BRME1: variants seen among roughly 807,000 people sequenced by gnomAD.
The protein encoded by BRME1 is break repair meiotic recombinase recruitment factor 1.
A neutral mutation model predicts 52.6 loss-of-function variants in BRME1; 31 were observed. The observed-to-expected ratio is 0.59, with a 90% confidence interval of 0.44 to 0.80. The LOEUF (loss-of-function observed/expected upper bound fraction) is 0.80. Ranked by LOEUF, BRME1 falls within the 30% of genes least tolerant of loss-of-function variation. The probability of loss-of-function intolerance (pLI) is 0.00; values close to 1 mark genes in which losing one functional copy is unlikely to be tolerated. For synonymous variants in BRME1, 359 were observed against 353.6 expected (o/e 1.02, Z -0.17); for missense variants, 804 against 860.3 (o/e 0.93, Z 0.82).
rs191405442 is a variant in BRME1, at chr19:13,894,299, C to T, written c.206+1073G>A. Among the ~76,000 whole-genome samples, 597 of 152,174 alleles carry T rather than the reference C, an allele frequency of 3.9e-3. 3 individuals are homozygous for T. The highest frequency in any genetic ancestry group is 0.014 in the African/African-American group (570 of 41,534). On this transcript the variant is annotated intron_variant, in intron 3 of 8. Transcript: ENST00000586783. ...CAGCACTTTGGGAGGCCGAGGCGGG[C>T]GGATCACCTTAAGTCAGGAGTTCGA... is the stretch of plus-strand genomic sequence containing the variant.
intron 2 of BRME1, among the ~76,000 whole-genome samples, chr19:13,900,534 T>C (rs1970224904): frequency 6.6e-6 from 1 of 152,154 alleles, no homozygotes; most frequent in South Asian, 2.1e-4. Flanking sequence ...TCCCATATCT[T>C]GGGGGAAAAA....
rs1968821139 is a variant in BRME1 at position 13,883,974 on chromosome 19, T to A, written c.1764-574A>T. Among the ~76,000 whole-genome samples, 1 of 152,118 alleles carries A rather than the reference T, an allele frequency of 6.6e-6. No homozygotes were observed. On this transcript the variant is annotated intron_variant, in intron 7 of 8. Coordinates refer to ENST00000586783, the MANE Select transcript of BRME1 (RefSeq NM_001345843.2). The surrounding 1 kb of genome is among the most constrained non-coding windows in gnomAD (Gnocchi z 4.2). Reference sequence around the variant, plus strand: ...TGACTATCTAATCTGCTGTCTCTCATGTCCCCACACCCCGAATCCCCCAGT... The same window carrying A: ...TGACTATCTAATCTGCTGTCTCTCAAGTCCCCACACCCCGAATCCCCCAGT...
At chr19:13,896,891 G>T (rs1322361145) in intron 2 of BRME1, among the ~76,000 whole-genome samples, 2 of 151,824 alleles carry the variant, frequency 1.3e-5, no homozygotes, top group Non-Finnish European at 2.9e-5. Flanking sequence ...TTGAGACAGG[G>T]TCTCATATGT....
At position 13,889,484 on chromosome 19, in the gene BRME1, C is replaced by T. The variant is rs1389918062; in HGVS notation, c.1372G>A (p.Glu458Lys). ...AGGTTCTGGCCACCTAACTCGGCTT[C>T]CTCTTGAGCAGGACCTGGCTCCTGC... is the stretch of plus-strand genomic sequence containing the variant. Reference protein sequence around the residue: ...QKQEPGPAQEEAELGGQNLER... With the variant: ...QKQEPGPAQEKAELGGQNLER... Residue 458 changes from glutamate to lysine, a missense_variant, in exon 6 of 9, where the codon GAA becomes AAA. This residue lies in a region of BRME1 where 552 missense variants were observed against 561.1 expected (regional missense o/e 0.98). Transcript: ENST00000586783. 3 of 1,613,898 alleles carry T rather than the reference C, an allele frequency of 1.9e-6. No individual in the cohort carries two copies. The highest frequency in any genetic ancestry group is 1.7e-6 in the Non-Finnish European group (2 of 1,180,028).
intron 2 of BRME1, among the ~76,000 whole-genome samples, chr19:13,899,905 G>A (rs1970182838): frequency 6.6e-6 from 1 of 152,154 alleles, no homozygotes; most frequent in South Asian, 2.1e-4. Context: ...AGGAGGCTGA[G>A]GCAGGAGAAT....
chr19:13,896,296 T>A (rs564674617), intron 2 of BRME1, among the ~76,000 whole-genome samples: 1 of 148,246 alleles, frequency 6.7e-6, no homozygotes, highest in Non-Finnish European at 1.5e-5. Flanking sequence ...ATATTATATA[T>A]CATATATAAA....
Position 13,882,866 on chromosome 19 carries a change from AG to A in BRME1, c.1942del (p.Leu648CysfsTer25), listed in dbSNP as rs1270763461. The A allele has an allele frequency of 8.7e-6, 14 of 1,613,850 alleles. No homozygotes were observed. The highest frequency in any genetic ancestry group is 1.1e-5 in the Non-Finnish European group (13 of 1,179,922). ...RKTKLGGKAP[L>X]PYPSKGPGNI... ...CCCAGGCCCCTTGGAAGGGTAAGGC[AG>A]GGGGGCTTTGCCTCCCAGCTTTGTC... On this transcript the variant is annotated frameshift_variant, in exon 9 of 9. Transcript: ENST00000586783. LOFTEE classifies it low-confidence loss of function (END_TRUNC).
intron 2 of BRME1, among the ~76,000 whole-genome samples, chr19:13,896,194 T>C (rs376817982): frequency 2.1e-4 from 32 of 151,922 alleles, no homozygotes; most frequent in African/African-American, 7.2e-4. Flanking sequence ...CGCTTGAACC[T>C]GGTAGGCGGA....
In BRME1 at chr19:13,883,319, G is replaced by A; in HGVS notation, c.1845C>T (p.Leu615=). 1 of 1,533,956 alleles carries A rather than the reference G, an allele frequency of 6.5e-7. No individual in the cohort carries two copies. Among genetic ancestry groups the A allele is most frequent in the Non-Finnish European group, 8.7e-7 (1 of 1,145,200 alleles). ...TNVVRGLIVE[L]SNLNRLIMGT... ...AGCCCACCCCGTACTTCAGGTTGGA[G>A]AGCTCAACGATGAGGCCACGCACGA... Residue 615 remains leucine (L), a synonymous_variant, in exon 8 of 9, where the codon CTC becomes CTT. Transcript: ENST00000586783. This position sits in a 1 kb window ranked among gnomAD's most constrained non-coding sequence, Gnocchi z 4.2.
chr19:13,898,304 C>A (rs1970046728), intron 2 of BRME1, among the ~76,000 whole-genome samples: 1 of 151,946 alleles, frequency 6.6e-6, no homozygotes, highest in Admixed American at 6.6e-5. Flanking sequence ...AGATTTCTGC[C>A]AAGGCAGGCA....
chr19:13,892,887 A>C lies in BRME1; in HGVS notation c.292T>G (p.Ser98Ala). The change falls in exon 5 of 9, where the codon TCA becomes GCA. Residue 98 changes from serine to alanine, a missense_variant. Transcript: ENST00000586783. ...AACTGGGGAACAAACCTCCCGAATG[A>C]GTTCTGTAAACCGGATACAAGAACA... ...EPAPLPPSQN[S>A]FGRFVPQFAK... 3.7e-6 allele frequency: 6 copies of C among 1,612,634 alleles called. No homozygotes were observed. The highest frequency in any genetic ancestry group is 4.2e-6 in the Non-Finnish European group (5 of 1,178,632).
Position 13,888,984 on chromosome 19 carries a change from A to AG in BRME1, c.1668+203_1668+204insC, listed in dbSNP as rs1568375603. 3.3e-5 allele frequency among the ~76,000 whole-genome samples: 5 copies of AG among 151,952 alleles called. No individual in the cohort carries two copies. The highest frequency in any genetic ancestry group is 1.2e-4 in the African/African-American group (5 of 41,314). ...ATCCCTAGATATGTCGACAACCACC[A>AG]AAAGGCAGGTCTACACTTTCTGGAA... On this transcript the variant is annotated intron_variant, in intron 6 of 8. Coordinates refer to ENST00000586783, the MANE Select transcript of BRME1 (RefSeq NM_001345843.2). This position sits in a 1 kb window ranked among gnomAD's most constrained non-coding sequence, Gnocchi z 4.1.
chr19:13,889,162 T>C, intron 6 of BRME1, 26 bp downstream of exon 6: 1 of 1,527,690 alleles, frequency 6.5e-7, no homozygotes, highest in Non-Finnish European at 8.8e-7. Context: ...TGGGCAGGTA[T>C]GTCTGTCACT....
chr19:13,897,067 TCTCGCTCTGTCAC>T (rs1174706280), intron 2 of BRME1, among the ~76,000 whole-genome samples: 1 of 143,120 alleles, frequency 7.0e-6, no homozygotes, highest in Non-Finnish European at 1.5e-5. Flanking sequence ...TGAGACAGAG[TCTCGCTCTGTCAC>T]CAGGCTGGAG....
chr19:13,884,061 G>C (rs1178201060), intron 7 of BRME1, among the ~76,000 whole-genome samples: 1 of 152,156 alleles, frequency 6.6e-6, no homozygotes, highest in Admixed American at 6.6e-5. Context: ...GTGCTAGAAA[G>C]GCCAGCCCAG....
rs2145095874 is a variant in BRME1, at chr19:13,883,030, T to C, written c.1857-78A>G. The C allele has an allele frequency of 1.3e-6, 2 of 1,527,748 alleles. No homozygotes were observed. The highest frequency in any genetic ancestry group is 8.9e-7 in the Non-Finnish European group (1 of 1,129,406). 94.6% of individuals were successfully genotyped at this position (1,527,748 alleles called of 1,614,324 possible). A position where few individuals can be genotyped will look rare whatever the true frequency, so the allele number is the denominator to read the frequency against. ...GAGGGGGCCGCGCCTCACAGCCACA[T>C]GGTCACCAATGACTCAGGTGCACAC... On this transcript the variant is annotated intron_variant, in intron 8 of 8. Transcript: ENST00000586783. This position sits in a 1 kb window ranked among gnomAD's most constrained non-coding sequence, Gnocchi z 4.2.
At position 13,895,393 on chromosome 19, in the gene BRME1, TC is replaced by T; in HGVS notation, c.184del (p.Glu62AsnfsTer52). Reference protein sequence around the residue: ...PVPSTQQHGEEPGKAVSSSPD... With the variant: ...PVPSTQQHGEXPGKAVSSSPD... ...CTACCTGGAGACGGCCTTTCCTGGT[TC>T]CTCCCCGTGCTGCTGTGTAGAGGGA... On this transcript the variant is annotated frameshift_variant, in exon 3 of 9. Transcript: ENST00000586783. LOFTEE classifies it high-confidence loss of function. 6.2e-7 allele frequency: 1 copy of T among 1,613,376 alleles called. No individual in the cohort carries two copies. The highest frequency in any genetic ancestry group is 1.7e-5 in the Admixed American group (1 of 59,884).
At position 13,904,907 on chromosome 19, in the gene BRME1, G is replaced by A. The variant is rs776312357; in HGVS notation, c.-15C>T. On this transcript the variant is annotated 5_prime_UTR_variant, in exon 2 of 9. It introduces an in-frame stop codon into an upstream open reading frame of the 5' UTR. Coordinates refer to ENST00000586783, the MANE Select transcript of BRME1 (RefSeq NM_001345843.2). ...CTCTTAGTCATTTTATCTTCCCCTT[G>A]AGAAATCTGAAAACAAGCAAAATCT... 3.1e-6 allele frequency: 5 copies of A among 1,612,670 alleles called. No individual in the cohort carries two copies.
intron 3 of BRME1, among the ~76,000 whole-genome samples, chr19:13,894,375 A>G (rs535836326): frequency 9.9e-5 from 15 of 152,156 alleles, no homozygotes; most frequent in Admixed American, 1.3e-4. Flanking sequence ...AAATACAAAA[A>G]TTAGTTGGGT....
Sources: allele counts gnomAD v4.1 joint callset (sites outside exome capture counted in the v4.1 genomes callset), GRCh38; gene constraint gnomAD v4.1.1; regional missense constraint gnomAD v4.1.1; non-coding constraint Gnocchi (gnomAD v3.1); transcripts MANE v1.5; gene names NCBI Gene and HGNC (gene_info 2026-07-23, HGNC 2026-07-21).